Variants in CAST observed in about 807,000 individuals in gnomAD.
CAST encodes the protein calpastatin.
Under a neutral mutation model 119.6 loss-of-function variants are expected in CAST, and 76 were observed. That is an observed-to-expected ratio of 0.64 (90% CI 0.53 to 0.77). CAST has a LOEUF of 0.77. Among genes scored for constraint, CAST ranks in the 30% least tolerant of loss-of-function variants. The probability of loss-of-function intolerance (pLI) is 0.00; values close to 1 mark genes in which losing one functional copy is unlikely to be tolerated. For missense variants in CAST, 953 were observed against 946.5 expected (o/e 1.01, Z -0.09); for synonymous variants, 319 against 331.6 (o/e 0.96, Z 0.41).
chr5:96,384,791 A>G, the CAST span, among the ~76,000 whole-genome samples: 204 of 152,272 alleles, frequency 1.3e-3, 1 homozygote, highest in African/African-American at 4.6e-3. Flanking sequence ...TCCAGGAGAA[A>G]GGGATTCTGT....
chr5:96,452,656 A>T, the CAST span, among the ~76,000 whole-genome samples: 1 of 120,908 alleles, frequency 8.3e-6, no homozygotes, highest in Non-Finnish European at 1.9e-5. Flanking sequence ...AAAAAAAAAA[A>T]AAAAAAAAAA....
chr5:96,255,529 G>C, the CAST span, among the ~76,000 whole-genome samples: 1 of 150,404 alleles, frequency 6.6e-6, no homozygotes, highest in African/African-American at 2.5e-5. Context: ...CATATTTACT[G>C]TTAGGGCAGT....
At chr5:96,408,257 C>T in the CAST span, 1 of 1,614,082 alleles carries the variant, frequency 6.2e-7, no homozygotes, top group Admixed American at 1.7e-5. Flanking sequence ...ATGCCAGCAG[C>T]CAGAGGTGCA....
At chr5:96,164,831 T>A in the CAST span, among the ~76,000 whole-genome samples, 47,050 of 151,992 alleles carry the variant, frequency 0.31, 7,509 homozygotes, top group Middle Eastern at 0.39. Flanking sequence ...TTCTTCTTTC[T>A]CTTTTTAGAC....
the CAST span, among the ~76,000 whole-genome samples, chr5:95,983,992 G>GA: frequency 6.6e-6 from 1 of 152,060 alleles, no homozygotes; most frequent in Non-Finnish European, 1.5e-5. Flanking sequence ...GGCTTTATAG[G>GA]AAAAAATACC....
At chr5:96,521,561 C>G (rs2578698), upstream of CAST, among the ~76,000 whole-genome samples, 49,959 of 152,012 alleles carry the variant, frequency 0.33, 8,441 homozygotes, top group Middle Eastern at 0.41. Flanking sequence ...CCCCATAAGA[C>G]TTGTGACTCT....
the CAST span, among the ~76,000 whole-genome samples, chr5:96,196,587 T>A: frequency 6.6e-6 from 1 of 152,276 alleles, no homozygotes; most frequent in African/African-American, 2.4e-5. Context: ...ACTTGAGCAC[T>A]GTGAGCAGCT....
the CAST span, among the ~76,000 whole-genome samples, chr5:96,476,325 C>T: frequency 7.2e-4 from 109 of 152,252 alleles, no homozygotes; most frequent in Middle Eastern, 3.4e-3. Flanking sequence ...ACACCAAATT[C>T]ATTTTCTCCA....
chr5:96,126,052 C>T, the CAST span, among the ~76,000 whole-genome samples: 1 of 152,122 alleles, frequency 6.6e-6, no homozygotes, highest in Non-Finnish European at 1.5e-5. Context: ...AAATTACCTG[C>T]TTTCTCCTTT....
the CAST span, among the ~76,000 whole-genome samples, chr5:96,374,608 A>G: frequency 2.0e-5 from 3 of 152,290 alleles, no homozygotes; most frequent in Non-Finnish European, 2.9e-5. Flanking sequence ...TCTTTTGAAA[A>G]TGCTCTCTTA....
At chr5:96,706,033 C>A (rs535022420) in intron 3 of CAST, among the ~76,000 whole-genome samples, 35 of 152,166 alleles carry the variant, frequency 2.3e-4, no homozygotes, top group Non-Finnish European at 3.1e-4. Context: ...AAGACAGAAT[C>A]CCCTATAGCA....
intron 1 of CAST, among the ~76,000 whole-genome samples, chr5:96,623,203 C>A (rs1706189714): frequency 6.6e-6 from 1 of 152,042 alleles, no homozygotes; most frequent in African/African-American, 2.4e-5. Flanking sequence ...CTTTTCTGTC[C>A]TCTGCTGTGA....
intron 1 of CAST, among the ~76,000 whole-genome samples, chr5:96,564,688 GTA>G (rs1348604731): frequency 6.6e-6 from 1 of 152,238 alleles, no homozygotes; most frequent in East Asian, 1.9e-4. Context: ...GGAGGCCGAG[GTA>G]GGCAGATCAC....
the CAST span, among the ~76,000 whole-genome samples, chr5:96,398,586 G>T: frequency 1.3e-5 from 2 of 152,174 alleles, no homozygotes; most frequent in Admixed American, 6.5e-5. Context: ...AGAGAAAAGT[G>T]ATAGGTCAGT....
intron 1 of CAST, among the ~76,000 whole-genome samples, chr5:96,620,684 AAAAG>A (rs1161944729): frequency 1.3e-5 from 2 of 152,252 alleles, no homozygotes; most frequent in Non-Finnish European, 2.9e-5. Context: ...GCAGCATAAA[AAAAG>A]AAAAAAATTC....
At chr5:96,150,165 TCTCTCTG>T in the CAST span, among the ~76,000 whole-genome samples, 1 of 152,178 alleles carries the variant, frequency 6.6e-6, no homozygotes, top group East Asian at 1.9e-4. Context: ...TGTAACAGGA[TCTCTCTG>T]TCTCAGTTTT....
At chr5:96,759,120 T>C (rs1239721370) in intron 24 of CAST, among the ~76,000 whole-genome samples, 1 of 152,122 alleles carries the variant, frequency 6.6e-6, no homozygotes, top group East Asian at 1.9e-4. Context: ...CTTAGAAAAT[T>C]AGCAAAGGAA....
the CAST span, among the ~76,000 whole-genome samples, chr5:96,162,435 T>G: frequency 6.6e-6 from 1 of 152,180 alleles, no homozygotes; most frequent in African/African-American, 2.4e-5. Flanking sequence ...GTTTGTTTTT[T>G]GAGACAGTGT....
At chr5:96,494,245 T>C in the CAST span, among the ~76,000 whole-genome samples, 1 of 152,164 alleles carries the variant, frequency 6.6e-6, no homozygotes, top group African/African-American at 2.4e-5. Flanking sequence ...AAAGTAATGG[T>C]AACTTGTGGT....
Sources: gnomAD v4.1 joint callset for allele counts (sites outside exome capture counted in the v4.1 genomes callset) on GRCh38, gnomAD v4.1.1 for gene constraint, MANE v1.5 for transcripts, NCBI Gene and HGNC (gene_info 2026-07-23, HGNC 2026-07-21) for gene names.